MRTFB: variants seen among roughly 807,000 people sequenced by gnomAD.
MRTFB encodes myocardin related transcription factor B, also known as myocardin-related transcription factor B.
MRTFB carries 29 observed loss-of-function variants against 104.2 expected under a neutral mutation model. The observed-to-expected ratio is 0.28, with a 90% CI of 0.21 to 0.38. The LOEUF is 0.38. Ranked by LOEUF, MRTFB falls within the 10% of genes least tolerant of loss-of-function variation. The pLI is 1.00. For synonymous variants in MRTFB, 535 were observed against 519.5 expected (o/e 1.03, Z -0.41); for missense variants, 1,270 against 1,341.6 (o/e 0.95, Z 0.83).
At chr16:14,248,355 A>C (rs1200861542) in intron 12 of MRTFB, 1 of 152,494 alleles carries the variant, frequency 6.6e-6, no homozygotes, top group South Asian at 2.1e-4. Context: ...ACCCTTTGGC[A>C]GATGCAAAAA....
chr16:14,211,737 G>A lies in MRTFB; in HGVS notation c.221-617G>A, dbSNP rs1431753129. Among the ~76,000 whole-genome samples the A allele has an allele frequency of 3.3e-5, 5 of 152,124 alleles. No individual in the cohort carries two copies. In the East Asian group the frequency reaches 7.7e-4, roughly 23 times the overall value. The stretch of plus-strand genomic sequence containing the variant: ...TTTACTGTGAGTTGCACTGTGGTAT[G>A]GTAGAAAGAGCATGAACCCTTCAAA... On this transcript the variant is annotated intron_variant, in intron 4 of 16. Transcript: ENST00000571589.
chr16:14,011,220 T>A, the MRTFB span, among the ~76,000 whole-genome samples: 1 of 152,196 alleles, frequency 6.6e-6, no homozygotes, highest in East Asian at 1.9e-4. Context: ...CAGAAAGGGA[T>A]GTATTCAGCT....
At chr16:14,071,919 C>T (rs1024063696) in intron 1 of MRTFB, among the ~76,000 whole-genome samples, 1 of 152,102 alleles carries the variant, frequency 6.6e-6, no homozygotes, top group Admixed American at 6.5e-5. Context: ...ATATGGGTTT[C>T]TTGGGAGAGA....
At chr16:14,083,722 G>A (rs1210294946) in intron 2 of MRTFB, among the ~76,000 whole-genome samples, 1 of 152,158 alleles carries the variant, frequency 6.6e-6, no homozygotes, top group Non-Finnish European at 1.5e-5. Flanking sequence ...GCTATAACCA[G>A]GTACCGTAAT....
chr16:14,235,490 A>G (rs2042457690), intron 9 of MRTFB, among the ~76,000 whole-genome samples: 1 of 152,138 alleles, frequency 6.6e-6, no homozygotes, highest in African/African-American at 2.4e-5. Context: ...CTCTCTCTGA[A>G]TGTCTGCTCT....
At chr16:14,157,636 G>A (rs2038875643) in intron 3 of MRTFB, among the ~76,000 whole-genome samples, 1 of 152,182 alleles carries the variant, frequency 6.6e-6, no homozygotes, top group Non-Finnish European at 1.5e-5. Flanking sequence ...AGGCTTCCAT[G>A]TCAAAACTGG....
At chr16:14,076,836 A>G (rs1021159393) in intron 1 of MRTFB, among the ~76,000 whole-genome samples, 1 of 152,196 alleles carries the variant, frequency 6.6e-6, no homozygotes, top group Admixed American at 6.5e-5. Context: ...CTCGTAGATG[A>G]AAAATGATAA....
At chr16:14,027,391 C>T in the MRTFB span, among the ~76,000 whole-genome samples, 1 of 152,056 alleles carries the variant, frequency 6.6e-6, no homozygotes, top group Non-Finnish European at 1.5e-5. Flanking sequence ...GACAGTGCAA[C>T]TATAACAGGG....
chr16:14,123,779 A>G (rs550331873), intron 2 of MRTFB, among the ~76,000 whole-genome samples: 5 of 152,246 alleles, frequency 3.3e-5, no homozygotes, highest in African/African-American at 1.2e-4. Context: ...ATGAAGTTTA[A>G]AGTAGTTTTT....
At position 14,213,672 on chromosome 16, in the gene MRTFB, G is replaced by T. The variant is rs750896183; in HGVS notation, c.352+52G>T. On this transcript the variant is annotated intron_variant, in intron 6 of 16. Transcript: ENST00000571589. ...GCTGTATTTTTTCAAGAAAAGAAGT[G>T]AGAATTTCCACCATTTCTGTTTATT... 5.4e-6 allele frequency: 7 copies of T among 1,303,088 alleles called. No homozygotes were observed. The South Asian group carries it at 9.6e-5, about 18-fold the overall frequency. The allele number at this position is 1,303,088 out of a possible 1,614,324, so 80.7% of individuals were successfully genotyped here.
At chr16:14,081,545 G>A (rs1248841851) in intron 2 of MRTFB, among the ~76,000 whole-genome samples, 15 of 151,980 alleles carry the variant, frequency 9.9e-5, no homozygotes, top group African/African-American at 3.4e-4. Flanking sequence ...CACCCGCCTC[G>A]GCCTCCCAAA....
upstream of MRTFB, among the ~76,000 whole-genome samples, chr16:14,068,541 C>T (rs2033544548): frequency 6.6e-6 from 1 of 152,070 alleles, no homozygotes; most frequent in Non-Finnish European, 1.5e-5. Context: ...CAACCACTTG[C>T]CAACTGTGTG....
At chr16:14,178,511 G>C (rs891135781) in intron 3 of MRTFB, among the ~76,000 whole-genome samples, 2 of 152,100 alleles carry the variant, frequency 1.3e-5, no homozygotes, top group Admixed American at 6.6e-5. Flanking sequence ...TACCTTTGCC[G>C]TAACTCCCAA....
chr16:14,041,615 T>C, the MRTFB span, among the ~76,000 whole-genome samples: 1 of 152,178 alleles, frequency 6.6e-6, no homozygotes, highest in African/African-American at 2.4e-5. Flanking sequence ...ATAATGCTGC[T>C]ATGAACATGA....
chr16:14,082,725 G>A (rs1009292724), intron 2 of MRTFB, among the ~76,000 whole-genome samples: 2 of 152,172 alleles, frequency 1.3e-5, no homozygotes, highest in African/African-American at 2.4e-5. Flanking sequence ...GTTGCAGTGA[G>A]CTGTGTGATC....
At chr16:14,006,113 C>A in the MRTFB span, among the ~76,000 whole-genome samples, 1 of 152,054 alleles carries the variant, frequency 6.6e-6, no homozygotes, top group South Asian at 2.1e-4. Context: ...GAGGCTGAAG[C>A]GGGTGGATCA....
At chr16:14,230,610 A>C (rs1158869231) in intron 8 of MRTFB, among the ~76,000 whole-genome samples, 1 of 152,152 alleles carries the variant, frequency 6.6e-6, no homozygotes, top group African/African-American at 2.4e-5. Flanking sequence ...TTAGAATGGC[A>C]ATTATTAAAA....
rs1005688689 is a variant in MRTFB at position 14,113,323 on chromosome 16, C to T, written c.-63-27221C>T. Among the ~76,000 whole-genome samples, 8 of 152,314 alleles carry T rather than the reference C, an allele frequency of 5.3e-5. No homozygotes were observed. In the East Asian group the frequency reaches 5.8e-4, roughly 11 times the overall value. ...CCTCCCAGAGTGCTGGGATTACAGG[C>T]GTGAGCCACCACGCCCAGCCTATGT... On this transcript the variant is annotated intron_variant, in intron 2 of 16. Transcript: ENST00000571589.
intron 3 of MRTFB, among the ~76,000 whole-genome samples, chr16:14,161,269 A>T (rs1433454033): frequency 1.3e-5 from 2 of 152,072 alleles, no homozygotes; most frequent in Non-Finnish European, 2.9e-5. Context: ...TATAACATAT[A>T]GTACTTTAGA....
Sources: allele counts gnomAD v4.1 joint callset (sites outside exome capture counted in the v4.1 genomes callset), GRCh38; gene constraint gnomAD v4.1.1; transcripts MANE v1.5; gene names NCBI Gene and HGNC (gene_info 2026-07-23, HGNC 2026-07-21).